The following STON2 variants were observed in gnomAD, a reference collection of about 807,000 sequenced individuals.
STON2 encodes the protein stonin 2, also known as stonin-2.
A neutral mutation model predicts 65.7 loss-of-function variants in STON2; 29 were observed. That is an observed-to-expected ratio of 0.44 (90% CI 0.33 to 0.60). The LOEUF (loss-of-function observed/expected upper bound fraction) is 0.60, where lower values mean the gene tolerates loss of function less well. Among genes scored for constraint, STON2 ranks in the 20% least tolerant of loss-of-function variants. The probability of loss-of-function intolerance (pLI) is 0.03; values close to 1 mark genes in which losing one functional copy is unlikely to be tolerated. For synonymous variants in STON2, 404 were observed against 414.2 expected, an observed-to-expected ratio of 0.98 and a Z score of 0.30; for missense variants, 1,054 against 1,118.1, an observed-to-expected ratio of 0.94 and a Z score of 0.82.
intron 4 of STON2, among the ~76,000 whole-genome samples, chr14:81,347,737 C>G (rs941585277): frequency 1.2e-4 from 18 of 144,030 alleles, no homozygotes; most frequent in African/African-American, 4.6e-4. Context: ...GACCCCCTCC[C>G]CCTTCTCTAT....
In STON2 at chr14:81,276,843, G is replaced by A. The variant is rs150960599; in HGVS notation, c.2581+58C>T. 257 of 1,550,182 alleles carry A rather than the reference G, an allele frequency of 1.7e-4. 3 individuals are homozygous for A. The East Asian group carries it at 5.6e-3, about 34-fold the overall frequency. The stretch of plus-strand genomic sequence containing the variant: ...CACTTCATACAGGATGTGGAACTTT[G>A]ATCTCAGCTTTTTCACAACTGTATG... On this transcript the variant is annotated intron_variant, in intron 6 of 7. Transcript: ENST00000614646.
intron 4 of STON2, among the ~76,000 whole-genome samples, chr14:81,349,826 T>C (rs1897956901): frequency 6.6e-6 from 1 of 152,112 alleles, no homozygotes; most frequent in African/African-American, 2.4e-5. Context: ...GAAATCAACC[T>C]AAGTGTCCAC....
In STON2 at chr14:81,265,778, G is replaced by A. The variant is rs550086468; in HGVS notation, c.*2636C>T. 1 of 985,096 alleles carries A rather than the reference G, an allele frequency of 1.0e-6. No individual in the cohort carries two copies. Among genetic ancestry groups the A allele is most frequent in the Non-Finnish European group, 1.2e-6 (1 of 829,856 alleles). 61.0% of individuals were successfully genotyped at this position (985,096 alleles called of 1,614,324 possible). On this transcript the variant is annotated 3_prime_UTR_variant, in exon 8 of 8. Transcript: ENST00000614646. Reference sequence around the variant, plus strand: ...TGGTAAAAAAAACAAAAAAGTCCAGGTGCATGTACACAGGAAATGAGAATT... The same window carrying A: ...TGGTAAAAAAAACAAAAAAGTCCAGATGCATGTACACAGGAAATGAGAATT...
At chr14:81,278,964 A>G (rs971652627) in intron 5 of STON2, 34 of 396,718 alleles carry the variant, frequency 8.6e-5, no homozygotes, top group Non-Finnish European at 1.3e-4. Flanking sequence ...CCCAATGGCT[A>G]TATCAATACA....
intron 5 of STON2, among the ~76,000 whole-genome samples, chr14:81,282,950 C>A (rs959556524): frequency 5.9e-5 from 9 of 152,174 alleles, no homozygotes; most frequent in Non-Finnish European, 5.9e-5. Context: ...TTCTTCTCCA[C>A]AATTCAATTT....
intron 6 of STON2, among the ~76,000 whole-genome samples, chr14:81,272,750 T>C (rs746551976): frequency 6.6e-6 from 1 of 152,258 alleles, no homozygotes; most frequent in African/African-American, 2.4e-5. Context: ...GTGCCACAGA[T>C]GTAATTATAC....
intron 2 of STON2, among the ~76,000 whole-genome samples, chr14:81,423,724 C>T (rs1901828015): frequency 6.6e-6 from 1 of 152,182 alleles, no homozygotes. Context: ...CATGGGGCAG[C>T]TGCACAGGGG....
Position 81,267,753 on chromosome 14 carries a change from C to T in STON2, c.*661G>A, listed in dbSNP as rs1894412576. ...AAAAGTCTCCTATTGTGCCTTTTTCCATTGTCTATTGTGACTCAGGATAGC... is the reference window on the plus strand; with the variant it reads ...AAAAGTCTCCTATTGTGCCTTTTTCTATTGTCTATTGTGACTCAGGATAGC... On this transcript the variant is annotated 3_prime_UTR_variant, in exon 8 of 8. Coordinates refer to ENST00000614646, the MANE Select transcript of STON2 (RefSeq NM_001394390.1). 1.0e-6 allele frequency: 1 copy of T among 985,352 alleles called. No homozygotes were observed. Among genetic ancestry groups the T allele is most frequent in the Non-Finnish European group, 1.2e-6 (1 of 829,926 alleles). The allele number at this position is 985,352 out of a possible 1,614,324, so 61.0% of individuals were successfully genotyped here.
chr14:81,404,332 T>C (rs995493523), upstream of STON2, among the ~76,000 whole-genome samples: 2 of 152,186 alleles, frequency 1.3e-5, no homozygotes, highest in Admixed American at 6.5e-5. Context: ...TTAAAGAGTA[T>C]AAAAAGGTGT....
chr14:81,392,255 G>A (rs995566836), intron 3 of STON2, among the ~76,000 whole-genome samples: 4 of 152,140 alleles, frequency 2.6e-5, no homozygotes, highest in African/African-American at 9.7e-5. Flanking sequence ...CTGTGCACTG[G>A]GGTGGAGCTG....
chr14:81,324,830 A>G (rs1896950142), intron 4 of STON2, among the ~76,000 whole-genome samples: 1 of 152,248 alleles, frequency 6.6e-6, no homozygotes, highest in Admixed American at 6.5e-5. Context: ...AATGGATAAT[A>G]ACTTGTTGGT....
intron 4 of STON2, among the ~76,000 whole-genome samples, chr14:81,362,999 C>A (rs1478984659): frequency 6.6e-6 from 1 of 152,148 alleles, no homozygotes; most frequent in African/African-American, 2.4e-5. Context: ...GGAGGCAGCA[C>A]TGCATCTGGG....
intron 2 of STON2, among the ~76,000 whole-genome samples, chr14:81,413,825 A>T (rs1566950027): frequency 7.2e-6 from 1 of 139,556 alleles, no homozygotes; most frequent in Non-Finnish European, 1.5e-5. Flanking sequence ...TAAACAAACA[A>T]ATCTGTTGCA....
intron 5 of STON2, among the ~76,000 whole-genome samples, chr14:81,297,332 G>A (rs1210085650): frequency 1.3e-5 from 2 of 152,190 alleles, no homozygotes; most frequent in Non-Finnish European, 2.9e-5. Flanking sequence ...CAGAGGTTAG[G>A]TGACATGGCC....
rs772226364 is a variant in STON2, at chr14:81,371,278, A to G, written c.374-93T>C. ...ATCTTACTTTGATGTTGCTCACATCATATGAAATCTCAACAGTCATATGAG... is the reference window on the plus strand; with the variant it reads ...ATCTTACTTTGATGTTGCTCACATCGTATGAAATCTCAACAGTCATATGAG... On this transcript the variant is annotated intron_variant, in intron 3 of 7. Coordinates refer to ENST00000614646, the MANE Select transcript of STON2 (RefSeq NM_001394390.1). 5.0e-6 allele frequency: 6 copies of G among 1,193,988 alleles called. No homozygotes were observed. In the Admixed American group the frequency reaches 6.1e-5, roughly 12 times the overall value. 74.0% of individuals were successfully genotyped at this position (1,193,988 alleles called of 1,614,324 possible). A position where few individuals can be genotyped will look rare whatever the true frequency, so the allele number is the denominator to read the frequency against.
In STON2 at chr14:81,405,438, C is replaced by A. The variant is rs183194958; in HGVS notation, c.-198-6858G>T. Among the ~76,000 whole-genome samples, 15 of 138,668 alleles carry A rather than the reference C, an allele frequency of 1.1e-4. No individual in the cohort carries two copies. In the East Asian group the frequency reaches 3.2e-3, roughly 30 times the overall value. 91.0% of individuals were successfully genotyped at this position (138,668 alleles called of 152,430 possible). ...TTGCCTGCTAAATCCAACCTCTAGA[C>A]CATTTGGGATTAGTTACTATTGTTT... On this transcript the variant is annotated intron_variant, in intron 2 of 8. Transcript: ENST00000553821.
In STON2 at chr14:81,273,952, C is replaced by T. The variant is rs78863256; in HGVS notation, c.2581+2949G>A. Among the ~76,000 whole-genome samples the T allele has an allele frequency of 2.0e-5, 3 of 152,254 alleles. No individual in the cohort carries two copies. The East Asian group carries it at 5.8e-4, about 29-fold the overall frequency. On this transcript the variant is annotated intron_variant, in intron 6 of 7. Coordinates refer to ENST00000614646, the MANE Select transcript of STON2 (RefSeq NM_001394390.1). ...AAAATAACCTGTACAAAGCACCTTC[C>T]CAGGGCTGTCTGAACACCTAGACAG...
At chr14:81,297,982 A>G (rs1433340720) in intron 5 of STON2, among the ~76,000 whole-genome samples, 2 of 152,216 alleles carry the variant, frequency 1.3e-5, no homozygotes, top group Non-Finnish European at 2.9e-5. Context: ...GGTTGTGGTG[A>G]GCCAAGATGG....
At chr14:81,312,743 T>C (rs538464059) in intron 5 of STON2, among the ~76,000 whole-genome samples, 10 of 152,388 alleles carry the variant, frequency 6.6e-5, no homozygotes, top group Non-Finnish European at 1.5e-4. Context: ...TTTGCTTGTA[T>C]TGACCATAAC....
Sources: gnomAD v4.1 joint callset for allele counts (sites outside exome capture counted in the v4.1 genomes callset) on GRCh38, gnomAD v4.1.1 for gene constraint, MANE v1.5 for transcripts, NCBI Gene and HGNC (gene_info 2026-07-23, HGNC 2026-07-21) for gene names.